The following HCAR1 variants were observed in gnomAD, a reference collection of about 807,000 sequenced individuals.
The protein encoded by HCAR1 is G protein-coupled receptor 104.
For synonymous variants in HCAR1, 183 were observed against 182.1 expected (o/e 1.01, Z -0.04); for missense variants, 445 against 448.7 (o/e 0.99, Z 0.07).
At position 122,729,958 on chromosome 12, in the gene HCAR1, A is replaced by G. The variant is rs1877897291; in HGVS notation, c.382T>C (p.Ser128Pro). 1 of 1,613,812 alleles carries G rather than the reference A, an allele frequency of 6.2e-7. No homozygotes were observed. Among genetic ancestry groups the G allele is most frequent in the African/African-American group, 1.3e-5 (1 of 74,886 alleles). ...VHPHHAVNTI[S>P]TRVAAGIVCT... ...ACGATGCCAGCCGCCACCCGGGTGG[A>G]GATAGTGTTCACCGCGTGGTGGGGG... Residue 128 changes from serine (S) to proline (P), a missense_variant, in exon 1 of 1, where the codon TCC becomes CCC. Ser to Pro is a moderately conservative substitution (Grantham distance 74, BLOSUM62 -1). Coordinates refer to ENST00000432564, the MANE Select transcript of HCAR1 (RefSeq NM_032554.4).
chr12:122,726,898 G>C lies in HCAR1; in HGVS notation c.*2401C>G, dbSNP rs1385685642. 3 of 134,458 alleles carry C rather than the reference G, an allele frequency of 2.2e-5. No individual in the cohort carries two copies. Among genetic ancestry groups the C allele is most frequent in the Non-Finnish European group, 4.6e-5 (3 of 65,088 alleles). The allele number at this position is 134,458 out of a possible 1,614,324, so 8.3% of individuals were successfully genotyped here. A position where few individuals can be genotyped will look rare whatever the true frequency, so the allele number is the denominator to read the frequency against. Reference sequence around the variant, plus strand: ...ACTGTACTCCAGCCTGGGTGATAGAGCAAGACTCTGTCTCAAAAAAAAAAA... The same window carrying C: ...ACTGTACTCCAGCCTGGGTGATAGACCAAGACTCTGTCTCAAAAAAAAAAA... On this transcript the variant is annotated 3_prime_UTR_variant, in exon 1 of 1. Transcript: ENST00000432564.
Position 122,729,227 on chromosome 12 carries a change from GC to G in HCAR1, c.*71del. Reference sequence around the variant, plus strand: ...AAGAAAGGGGGGTGGCATTTTCAAAGCCCCCGACCCCTTAGCACGAGTTAAT... The same window carrying G: ...AAGAAAGGGGGGTGGCATTTTCAAAGCCCCGACCCCTTAGCACGAGTTAAT... On this transcript the variant is annotated 3_prime_UTR_variant, in exon 1 of 1. Transcript: ENST00000432564. The G allele has an allele frequency of 1.4e-6, 2 of 1,432,148 alleles. No individual in the cohort carries two copies. Among genetic ancestry groups the G allele is most frequent in the Non-Finnish European group, 1.9e-6 (2 of 1,043,586 alleles). 88.7% of individuals were successfully genotyped at this position (1,432,148 alleles called of 1,614,324 possible). A position where few individuals can be genotyped will look rare whatever the true frequency, so the allele number is the denominator to read the frequency against.
In HCAR1 at chr12:122,729,602, C is replaced by A; in HGVS notation, c.738G>T (p.Thr246=). The A allele has an allele frequency of 1.2e-6, 2 of 1,614,090 alleles. No individual in the cohort carries two copies. Among genetic ancestry groups the A allele is most frequent in the Non-Finnish European group, 1.7e-6 (2 of 1,180,014 alleles). The part of the protein sequence containing the change: ...SVSARLYFLW[T]VPSSACDPSV... ...AGGGATCGCAGGCACTCGAGGGCAC[C>A]GTCCAGAGGAAATAGAGTCTAGCAG... Residue 246 remains threonine, a synonymous_variant, in exon 1 of 1, where the codon ACG becomes ACT. Coordinates refer to ENST00000432564, the MANE Select transcript of HCAR1 (RefSeq NM_032554.4).
Position 122,729,388 on chromosome 12 carries a change from G to A in HCAR1, c.952C>T (p.Leu318Phe), listed in dbSNP as rs772862696. 2 of 1,614,100 alleles carry A rather than the reference G, an allele frequency of 1.2e-6. No individual in the cohort carries two copies. Among genetic ancestry groups the A allele is most frequent in the East Asian group, 4.5e-5 (2 of 44,872 alleles). ...ACACTGATGCAACTCCTGCGACCGA[G>A]GTTCGAAATTGGCATCTCTTCCGGC... ...QRPEEMPISN[L>F]GRRSCISVAN... The change falls in exon 1 of 1, where the codon CTC (leucine) becomes TTC (phenylalanine). Residue 318 changes from leucine (L) to phenylalanine (F), a missense_variant. Coordinates refer to ENST00000432564, the MANE Select transcript of HCAR1 (RefSeq NM_032554.4).
rs1555249868 is a variant in HCAR1 at position 122,726,940 on chromosome 12, T to TATATATAGATAG, written c.*2358_*2359insCTATCTATATAT. On this transcript the variant is annotated 3_prime_UTR_variant, in exon 1 of 1. Transcript: ENST00000432564. Reference sequence around the variant, plus strand: ...AAAAAAAAAAAAAAATATATATATATATAGATAGATAGATATCTATATATC... The same window carrying TATATATAGATAG: ...AAAAAAAAAAAAAAATATATATATATATATATAGATAGATAGATAGATAGATATCTATATATC... 2 of 131,400 alleles carry TATATATAGATAG rather than the reference T, an allele frequency of 1.5e-5. No individual in the cohort carries two copies. The highest frequency in any genetic ancestry group is 6.1e-5 in the African/African-American group (2 of 32,670). The allele number at this position is 131,400 out of a possible 1,614,324, so 8.1% of individuals were successfully genotyped here. A position where few individuals can be genotyped will look rare whatever the true frequency, so the allele number is the denominator to read the frequency against.
At position 122,726,583 on chromosome 12, in the gene HCAR1, A is replaced by C. The variant is rs1356002817; in HGVS notation, c.*2716T>G. The stretch of plus-strand genomic sequence containing the variant: ...TTGTATTACAGTATCCCTGTTTGAC[A>C]GACGAGGAAAATGAAGCTACAAATG... On this transcript the variant is annotated 3_prime_UTR_variant, in exon 1 of 1. Transcript: ENST00000432564. The C allele has an allele frequency of 6.6e-6, 1 of 152,184 alleles. No homozygotes were observed. The highest frequency in any genetic ancestry group is 6.6e-5 in the Admixed American group (1 of 15,256). 9.4% of individuals were successfully genotyped at this position (152,184 alleles called of 1,614,324 possible). A position where few individuals can be genotyped will look rare whatever the true frequency, so the allele number is the denominator to read the frequency against.
Position 122,729,507 on chromosome 12 carries a change from T to A in HCAR1, c.833A>T (p.Tyr278Phe). 6.2e-7 allele frequency: 1 copy of A among 1,614,032 alleles called. No individual in the cohort carries two copies. Among genetic ancestry groups the A allele is most frequent in the South Asian group, 1.1e-5 (1 of 91,070 alleles). The change falls in exon 1 of 1, where the codon TAT becomes TTT. Residue 278 changes from tyrosine to phenylalanine, a missense_variant. By Grantham distance (22) the Tyr-to-Phe change is conservative. Transcript: ENST00000432564. ...GGGAAAGGAGGGGCTTGAAAAATAA[T>A]ACACCAGGGGATCCAGCATGCTGTT... ...YMNSMLDPLV[Y>F]YFSSPSFPKF...
In HCAR1 at chr12:122,729,907, G is replaced by C. The variant is rs140218785; in HGVS notation, c.433C>G (p.Leu145Val). 2 of 1,612,322 alleles carry C rather than the reference G, an allele frequency of 1.2e-6. No individual in the cohort carries two copies. The stretch of plus-strand genomic sequence containing the variant: ...TCCAGCAAAAGATACACTGTTCCCA[G>C]GATGACCAGGGCCCACAGGGTGCAG... Reference protein sequence around the residue: ...IVCTLWALVILGTVYLLLENH... With the variant: ...IVCTLWALVIVGTVYLLLENH... Residue 145 changes from leucine to valine, a missense_variant, in exon 1 of 1, where the codon CTG (leucine) becomes GTG (valine). By Grantham distance (32) the Leu-to-Val change is conservative. Transcript: ENST00000432564.
rs1204801679 is a variant in HCAR1, at chr12:122,726,748, T to TA, written c.*2550dup. The TA allele has an allele frequency of 6.6e-6, 1 of 151,798 alleles. No individual in the cohort carries two copies. The allele number at this position is 151,798 out of a possible 1,614,324, so 9.4% of individuals were successfully genotyped here. On this transcript the variant is annotated 3_prime_UTR_variant, in exon 1 of 1. Transcript: ENST00000432564. ...TAACACAATGAAACCCCGTCTGTAC[T>TA]AAAAATACAAAAAATTAGCCGGGCG...
chr12:122,726,256 G>A lies in HCAR1; in HGVS notation c.*3043C>T, dbSNP rs930715901. ...ACTCTTCCCCAGGTAACTGAGGGGCGGGGGAATTCAGGCATGATAACAGAG... is the reference window on the plus strand; with the variant it reads ...ACTCTTCCCCAGGTAACTGAGGGGCAGGGGAATTCAGGCATGATAACAGAG... On this transcript the variant is annotated 3_prime_UTR_variant, in exon 1 of 1. Transcript: ENST00000432564. The A allele has an allele frequency of 1.3e-5, 2 of 152,172 alleles. No homozygotes were observed. The highest frequency in any genetic ancestry group is 2.4e-5 in the African/African-American group (1 of 41,440). The allele number at this position is 152,172 out of a possible 1,614,324, so 9.4% of individuals were successfully genotyped here. A position where few individuals can be genotyped will look rare whatever the true frequency, so the allele number is the denominator to read the frequency against.
Position 122,728,839 on chromosome 12 carries a change from C to A in HCAR1, c.*460G>T, listed in dbSNP as rs764105730. On this transcript the variant is annotated 3_prime_UTR_variant, in exon 1 of 1. Coordinates refer to ENST00000432564, the MANE Select transcript of HCAR1 (RefSeq NM_032554.4). Reference sequence around the variant, plus strand: ...AAAATTAGCCGGGTGTGTTGGCTGGCGCCTCTAATCCCAGCTACTCGGGAG... The same window carrying A: ...AAAATTAGCCGGGTGTGTTGGCTGGAGCCTCTAATCCCAGCTACTCGGGAG... The A allele has an allele frequency of 5.1e-4, 82 of 160,656 alleles. No individual in the cohort carries two copies. Among genetic ancestry groups the A allele is most frequent in the South Asian group, 1.0e-3 (6 of 5,896 alleles). 10.0% of individuals were successfully genotyped at this position (160,656 alleles called of 1,614,324 possible). A position where few individuals can be genotyped will look rare whatever the true frequency, so the allele number is the denominator to read the frequency against.
Position 122,730,148 on chromosome 12 carries a change from A to G in HCAR1, c.192T>C (p.Leu64=), listed in dbSNP as rs1324870302. ...LFNLAVADFL[L]MICLPFRTDY... ...CTGTCCGAAAAGGCAGGCAGATCAT[A>G]AGGAGGAAATCAGCCACGGCCAAAT... Residue 64 remains leucine, a synonymous_variant, in exon 1 of 1, where the codon CTT becomes CTC. Transcript: ENST00000432564. 2.5e-6 allele frequency: 4 copies of G among 1,614,154 alleles called. No individual in the cohort carries two copies. Among genetic ancestry groups the G allele is most frequent in the East Asian group, 2.2e-5 (1 of 44,888 alleles).
Position 122,730,641 on chromosome 12 carries a change from T to G in HCAR1, c.-302A>C. On this transcript the variant is annotated 5_prime_UTR_variant, in exon 1 of 1. Coordinates refer to ENST00000432564, the MANE Select transcript of HCAR1 (RefSeq NM_032554.4). ...GGAAATGCATGCAATTTTGCAAAAG[T>G]GGTCATTTCTGAGAGGCGGTAGGGT... is the stretch of plus-strand genomic sequence containing the variant. 3.2e-6 allele frequency: 1 copy of G among 315,154 alleles called. No individual in the cohort carries two copies. The highest frequency in any genetic ancestry group is 6.1e-6 in the Non-Finnish European group (1 of 164,676). 19.5% of individuals were successfully genotyped at this position (315,154 alleles called of 1,614,324 possible).
chr12:122,730,234 C>T lies in HCAR1; in HGVS notation c.106G>A (p.Ala36Thr), dbSNP rs747662154. The change falls in exon 1 of 1, where the codon GCC (alanine) becomes ACC (threonine). Residue 36 changes from alanine (A) to threonine (T), a missense_variant. Coordinates refer to ENST00000432564, the MANE Select transcript of HCAR1 (RefSeq NM_032554.4). ...ATGTGGAAGCAGAAACCACACAGGGCGACCCCATTGCCTAGTGCGCCCAGC... is the reference window on the plus strand; with the variant it reads ...ATGTGGAAGCAGAAACCACACAGGGTGACCCCATTGCCTAGTGCGCCCAGC... ...FVLGALGNGVALCGFCFHMKT... is the reference protein window; with the variant it reads ...FVLGALGNGVTLCGFCFHMKT... 2.5e-6 allele frequency: 4 copies of T among 1,614,096 alleles called. No individual in the cohort carries two copies. The highest frequency in any genetic ancestry group is 1.7e-5 in the Admixed American group (1 of 60,018).
chr12:122,729,840 C>T lies in HCAR1; in HGVS notation c.500G>A (p.Ser167Asn), dbSNP rs746189746. The T allele has an allele frequency of 3.1e-6, 5 of 1,610,308 alleles. No homozygotes were observed. Among genetic ancestry groups the T allele is most frequent in the East Asian group, 4.5e-5 (2 of 44,822 alleles). Residue 167 changes from serine (S) to asparagine (N), a missense_variant, in exon 1 of 1, where the codon AGC (serine) becomes AAC (asparagine). Ser to Asn is a conservative substitution (Grantham distance 46). Transcript: ENST00000432564. ...CVQETAVSCE[S>N]FIMESANGWH... ...GCCATTGGCCGACTCCATGATGAAG[C>T]TCTCACAGGAGACGGCCGTCTCTTG...
At position 122,729,711 on chromosome 12, in the gene HCAR1, G is replaced by A. The variant is rs750390654; in HGVS notation, c.629C>T (p.Ala210Val). The part of the protein sequence containing the change: ...VWSLRRRQQL[A>V]RQARMKKATR... ...CGCCTTCTTCATCCGAGCCTGTCTG[G>A]CCAGCTGCTGCCTCCGCCTCAGGCT... The change falls in exon 1 of 1, where the codon GCC becomes GTC. Residue 210 changes from alanine to valine, a missense_variant. Ala to Val is a moderately conservative substitution (Grantham distance 64). Transcript: ENST00000432564. The A allele has an allele frequency of 1.5e-5, 24 of 1,613,646 alleles. No individual in the cohort carries two copies. Among genetic ancestry groups the A allele is most frequent in the Non-Finnish European group, 1.9e-5 (23 of 1,180,024 alleles).
Position 122,729,936 on chromosome 12 carries a change from A to G in HCAR1, c.404T>C (p.Ile135Thr), listed in dbSNP as rs1877896294. The G allele has an allele frequency of 6.2e-7, 1 of 1,613,086 alleles. No homozygotes were observed. Among genetic ancestry groups the G allele is most frequent in the Non-Finnish European group, 8.5e-7 (1 of 1,179,430 alleles). ...NTISTRVAAG[I>T]VCTLWALVIL... ...GACCAGGGCCCACAGGGTGCAGACG[A>G]TGCCAGCCGCCACCCGGGTGGAGAT... The change falls in exon 1 of 1, where the codon ATC becomes ACC. Residue 135 changes from isoleucine to threonine, a missense_variant. Physicochemically the swap from Ile to Thr is moderately conservative, Grantham distance 89 (BLOSUM62 -1). Coordinates refer to ENST00000432564, the MANE Select transcript of HCAR1 (RefSeq NM_032554.4).
Position 122,730,465 on chromosome 12 carries a change from G to A in HCAR1, c.-126C>T, listed in dbSNP as rs896478077. 4 of 710,210 alleles carry A rather than the reference G, an allele frequency of 5.6e-6. No individual in the cohort carries two copies. The highest frequency in any genetic ancestry group is 6.8e-6 in the Non-Finnish European group (3 of 440,808). 44.0% of individuals were successfully genotyped at this position (710,210 alleles called of 1,614,324 possible). A position where few individuals can be genotyped will look rare whatever the true frequency, so the allele number is the denominator to read the frequency against. On this transcript the variant is annotated 5_prime_UTR_variant, in exon 1 of 1. Transcript: ENST00000432564. ...GTCTGACTTCATCACCCAGGATGCGGGTCCTGTGTGTGTGGGTTGGATGCT... is the reference window on the plus strand; with the variant it reads ...GTCTGACTTCATCACCCAGGATGCGAGTCCTGTGTGTGTGGGTTGGATGCT...
Position 122,726,912 on chromosome 12 carries a change from C to CAAA in HCAR1, c.*2384_*2386dup, listed in dbSNP as rs71440213. On this transcript the variant is annotated 3_prime_UTR_variant, in exon 1 of 1. Transcript: ENST00000432564. The stretch of plus-strand genomic sequence containing the variant: ...TGGGTGATAGAGCAAGACTCTGTCT[C>CAAA]AAAAAAAAAAAAAAAAATATATATA... The CAAA allele has an allele frequency of 4.8e-5, 6 of 123,852 alleles. No individual in the cohort carries two copies. The highest frequency in any genetic ancestry group is 1.3e-4 in the African/African-American group (4 of 31,158). 7.7% of individuals were successfully genotyped at this position (123,852 alleles called of 1,614,324 possible). A position where few individuals can be genotyped will look rare whatever the true frequency, so the allele number is the denominator to read the frequency against.
Sources: gnomAD v4.1 joint callset for allele counts on GRCh38, gnomAD v4.1.1 for gene constraint, MANE v1.5 for transcripts, NCBI Gene and HGNC (gene_info 2026-07-23, HGNC 2026-07-21) for gene names.